BCKDHB: variants seen among roughly 807,000 people sequenced by gnomAD.
BCKDHB encodes the protein branched chain keto acid dehydrogenase E1 subunit beta, also known as 2-oxoisovalerate dehydrogenase subunit beta, mitochondrial.
BCKDHB carries 41 observed loss-of-function variants against 48.5 expected under a neutral mutation model. That is an observed-to-expected ratio of 0.85 (90% confidence interval 0.66 to 1.10). The LOEUF is 1.10. Among genes scored for constraint, BCKDHB ranks in the 50% least tolerant of loss-of-function variants. The pLI, the probability that BCKDHB is intolerant of heterozygous loss-of-function variation, is 0.00. For missense variants in BCKDHB, 496 were observed against 494.2 expected (o/e 1.00, Z -0.03); for synonymous variants, 201 against 174.8 (o/e 1.15, Z -1.18).
chr6:80,465,976 A>G, the BCKDHB span: 1 of 152,230 alleles, frequency 6.6e-6, no homozygotes, highest in African/African-American at 2.4e-5. Flanking sequence ...CAAAATGGAA[A>G]GAACCAGGAA....
chr6:80,285,807 A>G (rs1361178169), intron 9 of BCKDHB, among the ~76,000 whole-genome samples: 1 of 152,144 alleles, frequency 6.6e-6, no homozygotes, highest in Non-Finnish European at 1.5e-5. Flanking sequence ...ATGAGGTTTG[A>G]TGTAGGCAAA....
In BCKDHB at chr6:80,337,812, C is replaced by T. The variant is rs1315169946; in HGVS notation, c.1039-5852C>T. On this transcript the variant is annotated intron_variant, in intron 9 of 9. Transcript: ENST00000320393. The stretch of plus-strand genomic sequence containing the variant: ...TGTTTCTCATTGGTCCAAGGAGCAA[C>T]ATAAAATCCTGATTTATCAGATAAT... 2.0e-5 allele frequency among the ~76,000 whole-genome samples: 3 copies of T among 152,088 alleles called. No homozygotes were observed. The East Asian group carries it at 5.8e-4, about 29-fold the overall frequency.
At chr6:80,259,933 G>A (rs761158103) in intron 8 of BCKDHB, among the ~76,000 whole-genome samples, 8 of 152,144 alleles carry the variant, frequency 5.3e-5, no homozygotes, top group South Asian at 4.1e-4. Flanking sequence ...CCCACACCAT[G>A]ACTCTATGAA....
At chr6:80,397,192 C>A in the BCKDHB span, among the ~76,000 whole-genome samples, 1 of 152,182 alleles carries the variant, frequency 6.6e-6, no homozygotes, top group African/African-American at 2.4e-5. Context: ...GGTCTATCTG[C>A]TTCCTTTATA....
intron 8 of BCKDHB, among the ~76,000 whole-genome samples, chr6:80,262,996 GA>G (rs1777367776): frequency 6.6e-6 from 1 of 152,062 alleles, no homozygotes; most frequent in Non-Finnish European, 1.5e-5. Context: ...TATGAGGAAA[GA>G]AAATTACTCA....
chr6:80,448,659 G>A, the BCKDHB span, among the ~76,000 whole-genome samples: 1 of 152,056 alleles, frequency 6.6e-6, no homozygotes, highest in Non-Finnish European at 1.5e-5. Flanking sequence ...ACACAAAAGT[G>A]GAAGAAATAA....
intron 3 of BCKDHB, among the ~76,000 whole-genome samples, chr6:80,151,661 A>T (rs188691100): frequency 6.6e-6 from 1 of 152,256 alleles, no homozygotes; most frequent in African/African-American, 2.4e-5. Context: ...TGGACTTAGA[A>T]TTCATTTAAT....
the BCKDHB span, among the ~76,000 whole-genome samples, chr6:80,378,128 T>C: frequency 1.3e-5 from 2 of 152,210 alleles, no homozygotes; most frequent in Non-Finnish European, 2.9e-5. Context: ...AGAGGATACA[T>C]GTGCTTGTTT....
intron 8 of BCKDHB, among the ~76,000 whole-genome samples, chr6:80,237,093 A>G (rs1776177035): frequency 6.6e-6 from 1 of 152,220 alleles, no homozygotes; most frequent in Non-Finnish European, 1.5e-5. Context: ...TTTTTCAGAT[A>G]TTTGAAGGTA....
At chr6:80,250,261 CTT>C (rs1225952343) in intron 8 of BCKDHB, among the ~76,000 whole-genome samples, 1 of 105,712 alleles carries the variant, frequency 9.5e-6, no homozygotes, top group Admixed American at 1.1e-4. Context: ...ACAGATGAAT[CTT>C]TACTTCTGGC....
intron 8 of BCKDHB, among the ~76,000 whole-genome samples, chr6:80,247,673 G>A (rs1198461084): frequency 6.6e-6 from 1 of 152,186 alleles, no homozygotes; most frequent in African/African-American, 2.4e-5. Flanking sequence ...GATGCTTTCT[G>A]GAAGGTTGTC....
chr6:80,428,479 C>G, the BCKDHB span, among the ~76,000 whole-genome samples: 3 of 152,114 alleles, frequency 2.0e-5, no homozygotes, highest in Non-Finnish European at 2.9e-5. Context: ...CTAATTTACA[C>G]TCCCACCAAC....
chr6:80,214,106 G>A (rs1031177906), intron 8 of BCKDHB, among the ~76,000 whole-genome samples: 1 of 152,164 alleles, frequency 6.6e-6, no homozygotes, highest in African/African-American at 2.4e-5. Context: ...GGCTGGCAGA[G>A]TTAGTGGGAA....
chr6:80,170,318 C>A (rs544405948), intron 5 of BCKDHB, among the ~76,000 whole-genome samples: 1 of 152,196 alleles, frequency 6.6e-6, no homozygotes, highest in South Asian at 2.1e-4. Flanking sequence ...CTCAGGGAAT[C>A]TTAAGTCTTT....
intron 6 of BCKDHB, among the ~76,000 whole-genome samples, chr6:80,176,078 A>G (rs761608917): frequency 1.3e-5 from 2 of 152,182 alleles, no homozygotes; most frequent in African/African-American, 2.4e-5. Context: ...TAGCCTGTTT[A>G]TATGATATCA....
chr6:80,221,858 A>G lies in BCKDHB; in HGVS notation c.951+18646A>G, dbSNP rs12174405. Among the ~76,000 whole-genome samples the G allele has an allele frequency of 1.8e-4, 28 of 152,324 alleles. No individual in the cohort carries two copies. The East Asian group carries it at 5.4e-3, about 29-fold the overall frequency. ...TGGCACTTACAGCCAAATACCGAGT[A>G]TCTTATATGTTTCTTTTTCCAATAG... On this transcript the variant is annotated intron_variant, in intron 8 of 9. Coordinates refer to ENST00000320393, the MANE Select transcript of BCKDHB (RefSeq NM_183050.4).
chr6:80,149,920 T>C (rs1684171884), intron 3 of BCKDHB, among the ~76,000 whole-genome samples: 3 of 151,858 alleles, frequency 2.0e-5, no homozygotes, highest in Admixed American at 2.0e-4. Context: ...ATGGCACATA[T>C]ATACATATGT....
At chr6:80,413,918 T>C in the BCKDHB span, among the ~76,000 whole-genome samples, 1 of 152,128 alleles carries the variant, frequency 6.6e-6, no homozygotes, top group African/African-American at 2.4e-5. Context: ...CTCCTACGAA[T>C]GTTGCCTAGG....
At chr6:80,354,377 G>A in the BCKDHB span, among the ~76,000 whole-genome samples, 1 of 152,090 alleles carries the variant, frequency 6.6e-6, no homozygotes, top group African/African-American at 2.4e-5. Flanking sequence ...ACAGGCACAT[G>A]CCATCATGCC....
Sources: allele counts gnomAD v4.1 joint callset (sites outside exome capture counted in the v4.1 genomes callset), GRCh38; gene constraint gnomAD v4.1.1; transcripts MANE v1.5; gene names NCBI Gene and HGNC (gene_info 2026-07-23, HGNC 2026-07-21).